Variants in CADM2 observed in about 807,000 individuals in gnomAD.
CADM2 encodes immunoglobulin superfamily member 4D.
CADM2 carries 12 observed loss-of-function variants against 49.8 expected under a neutral mutation model. The ratio of observed to expected loss-of-function variants is 0.24; its 90% confidence interval spans 0.15 to 0.39. The LOEUF (loss-of-function observed/expected upper bound fraction) is 0.39. CADM2 is among the 10% of genes least tolerant of loss of function. The pLI, the probability that CADM2 is intolerant of heterozygous loss-of-function variation, is 1.00. For synonymous variants in CADM2, 214 were observed against 175.4 expected, an observed-to-expected ratio of 1.22 and a Z score of -1.74; for missense variants, 378 against 492.3, an observed-to-expected ratio of 0.77 and a Z score of 2.20.
chr3:85,731,115 A>C (rs2067914731), intron 2 of CADM2, among the ~76,000 whole-genome samples: 1 of 152,136 alleles, frequency 6.6e-6, no homozygotes, highest in African/African-American at 2.4e-5. Flanking sequence ...TCATAGGAGA[A>C]TATTATAAAT....
At chr3:85,979,013 A>G in intron 8 of CADM2, 1 of 751,030 alleles carries the variant, frequency 1.3e-6, no homozygotes. Context: ...AAATGACAAG[A>G]ATTGTGTGAC....
At chr3:85,506,476 A>T (rs959995715) in intron 1 of CADM2, among the ~76,000 whole-genome samples, 6 of 152,216 alleles carry the variant, frequency 3.9e-5, no homozygotes, top group African/African-American at 1.4e-4. Flanking sequence ...ATTCAGCAGC[A>T]TGTGTTGAAA....
At chr3:85,871,991 T>C (rs775495584) in intron 3 of CADM2, among the ~76,000 whole-genome samples, 7 of 152,208 alleles carry the variant, frequency 4.6e-5, no homozygotes, top group Non-Finnish European at 8.8e-5. Flanking sequence ...TTTTTCTTAT[T>C]CTCTCCTGCA....
chr3:85,382,525 T>C (rs1389723248), intron 1 of CADM2, among the ~76,000 whole-genome samples: 1 of 152,198 alleles, frequency 6.6e-6, no homozygotes, highest in Admixed American at 6.5e-5. Flanking sequence ...ATACATCATA[T>C]ATAACATCTT....
At chr3:85,845,613 C>A in intron 3 of CADM2, among the ~76,000 whole-genome samples, 1 of 152,196 alleles carries the variant, frequency 6.6e-6, no homozygotes, top group Non-Finnish European at 1.5e-5. Context: ...ACATGGTAAT[C>A]CCAGGCCAGA....
intron 1 of CADM2, among the ~76,000 whole-genome samples, chr3:85,019,122 C>G (rs2034387408): frequency 6.6e-6 from 1 of 152,258 alleles, no homozygotes; most frequent in Admixed American, 6.5e-5. Context: ...ACAAGAAGAA[C>G]AAATTTAGGT....
At chr3:86,014,725 G>C in intron 8 of CADM2, 2 of 1,513,304 alleles carry the variant, frequency 1.3e-6, no homozygotes, top group Non-Finnish European at 1.8e-6. Context: ...ATGTGTAGAA[G>C]TGACTTACCC....
intron 1 of CADM2, among the ~76,000 whole-genome samples, chr3:85,091,930 A>G (rs1362656284): frequency 6.6e-6 from 1 of 152,190 alleles, no homozygotes; most frequent in African/African-American, 2.4e-5. Flanking sequence ...ACTTCATTGT[A>G]GAAAAGTTGT....
chr3:85,392,798 G>A (rs1157242217), intron 1 of CADM2, among the ~76,000 whole-genome samples: 1 of 151,956 alleles, frequency 6.6e-6, no homozygotes, highest in Non-Finnish European at 1.5e-5. Flanking sequence ...ATAAAACAAA[G>A]CAAAACATGA....
At chr3:85,407,596 G>A (rs1343962044) in intron 1 of CADM2, among the ~76,000 whole-genome samples, 1 of 152,106 alleles carries the variant, frequency 6.6e-6, no homozygotes, top group Non-Finnish European at 1.5e-5. Flanking sequence ...TTGCTCCGAA[G>A]GAAAGTTAAT....
intron 1 of CADM2, among the ~76,000 whole-genome samples, chr3:85,484,073 G>T (rs1045722045): frequency 1.3e-5 from 2 of 151,720 alleles, no homozygotes; most frequent in African/African-American, 2.4e-5. Context: ...ATTTTCTAAA[G>T]TAGCCTGGAG....
chr3:85,120,481 G>A (rs1410464710), intron 1 of CADM2, among the ~76,000 whole-genome samples: 1 of 152,106 alleles, frequency 6.6e-6, no homozygotes, highest in African/African-American at 2.4e-5. Flanking sequence ...ATACACCATG[G>A]AATACTATGC....
intron 3 of CADM2, among the ~76,000 whole-genome samples, chr3:85,861,029 T>G (rs2075511896): frequency 6.6e-6 from 1 of 152,138 alleles, no homozygotes; most frequent in South Asian, 2.1e-4. Context: ...AGAGGCAAAT[T>G]GTGCCCAGTG....
chr3:85,930,301 T>G (rs1720425752), intron 6 of CADM2, among the ~76,000 whole-genome samples: 1 of 152,126 alleles, frequency 6.6e-6, no homozygotes, highest in South Asian at 2.1e-4. Flanking sequence ...AAAAAATTTT[T>G]CTTTTTTTAA....
chr3:85,891,162 T>C (rs1714379952), intron 5 of CADM2, among the ~76,000 whole-genome samples: 1 of 152,320 alleles, frequency 6.6e-6, no homozygotes, highest in Admixed American at 6.5e-5. Flanking sequence ...ACAGGTAGTT[T>C]CACTGCAGCC....
intron 3 of CADM2, among the ~76,000 whole-genome samples, chr3:85,867,881 T>C (rs531687964): frequency 6.6e-6 from 1 of 152,160 alleles, no homozygotes; most frequent in Non-Finnish European, 1.5e-5. Context: ...TGGAGCCTCA[T>C]CTATTTCCAC....
At position 85,590,192 on chromosome 3, in the gene CADM2, G is replaced by A. The variant is rs191567318; in HGVS notation, c.62-136330G>A. 1.9e-3 allele frequency among the ~76,000 whole-genome samples: 287 copies of A among 152,012 alleles called. 2 individuals carry two copies. Among genetic ancestry groups the A allele is most frequent in the Non-Finnish European group, 3.6e-3 (243 of 67,924 alleles). ...TTTTTAGAACAAATAGAGCCAAGCA[G>A]AAAAATAGAAAATCATCTAGGGAAA... On this transcript the variant is annotated intron_variant, in intron 1 of 9. Transcript: ENST00000383699.
chr3:85,161,461 C>T (rs1172886270), intron 1 of CADM2, among the ~76,000 whole-genome samples: 1 of 152,070 alleles, frequency 6.6e-6, no homozygotes, highest in Non-Finnish European at 1.5e-5. Flanking sequence ...AGCTCAGTTA[C>T]ATGTTATTCC....
chr3:85,685,626 TTTTTTTTTTG>T (rs928516850), intron 1 of CADM2, among the ~76,000 whole-genome samples: 5 of 148,702 alleles, frequency 3.4e-5, no homozygotes, highest in Admixed American at 2.7e-4. Flanking sequence ...TTTTTTTTTT[TTTTTTTTTTG>T]TTTTTAAGAC....
Sources: allele counts gnomAD v4.1 joint callset (sites outside exome capture counted in the v4.1 genomes callset), GRCh38; gene constraint gnomAD v4.1.1; transcripts MANE v1.5; gene names NCBI Gene and HGNC (gene_info 2026-07-23, HGNC 2026-07-21).